The following ANKS1B variants were observed in gnomAD, a reference collection of about 807,000 sequenced individuals.
The protein encoded by ANKS1B is ankyrin repeat and sterile alpha motif domain-containing protein 1B.
A neutral mutation model predicts 148.3 loss-of-function variants in ANKS1B; 36 were observed. That is an observed-to-expected ratio of 0.24 (90% CI 0.19 to 0.32). The LOEUF is 0.32. ANKS1B is among the 10% of genes least tolerant of loss of function. The probability of loss-of-function intolerance (pLI) is 1.00; values close to 1 mark genes in which losing one functional copy is unlikely to be tolerated. For synonymous variants in ANKS1B, 542 were observed against 560.8 expected (o/e 0.97, Z 0.47); for missense variants, 1,157 against 1,542.6 (o/e 0.75, Z 4.19).
intron 11 of ANKS1B, among the ~76,000 whole-genome samples, chr12:99,434,042 G>A: frequency 6.6e-6 from 1 of 152,134 alleles, no homozygotes; most frequent in South Asian, 2.1e-4. Flanking sequence ...GATGTCCTTT[G>A]TGGTACTTTC....
chr12:99,277,719 C>A (rs1399742984), intron 12 of ANKS1B, among the ~76,000 whole-genome samples: 1 of 152,142 alleles, frequency 6.6e-6, no homozygotes, highest in Non-Finnish European at 1.5e-5. Context: ...TGCTTTTGAA[C>A]TGGTATGAGT....
At chr12:99,966,232 G>T (rs192646251) in intron 1 of ANKS1B, among the ~76,000 whole-genome samples, 1 of 152,250 alleles carries the variant, frequency 6.6e-6, no homozygotes, top group African/African-American at 2.4e-5. Flanking sequence ...TTTAGTGACT[G>T]TATTGTGGTT....
chr12:99,090,749 T>G (rs1358800653), intron 15 of ANKS1B, among the ~76,000 whole-genome samples: 1 of 152,160 alleles, frequency 6.6e-6, no homozygotes, highest in Non-Finnish European at 1.5e-5. Context: ...AATTTACAAG[T>G]AAACCCAATG....
At chr12:99,758,407 T>C (rs576837639) in intron 8 of ANKS1B, among the ~76,000 whole-genome samples, 109 of 151,958 alleles carry the variant, frequency 7.2e-4, no homozygotes, top group Non-Finnish European at 1.4e-3. Context: ...ACAAATAAAA[T>C]AGAAATGACA....
Position 99,504,530 on chromosome 12 carries a change from C to T in ANKS1B, c.1384G>A (p.Val462Ile), listed in dbSNP as rs756089777. 6.2e-7 allele frequency: 1 copy of T among 1,612,722 alleles called. No individual in the cohort carries two copies. The highest frequency in any genetic ancestry group is 8.5e-7 in the Non-Finnish European group (1 of 1,179,434). Reference sequence around the variant, plus strand: ...TCTAAGGAGCAAGGTTTCTTTGTAACAGCTGTGTCCATGAGATCACACAGA... The same window carrying T: ...TCTAAGGAGCAAGGTTTCTTTGTAATAGCTGTGTCCATGAGATCACACAGA... ...NFLCDLMDTA[V>I]TKKPCSLEIA... is the part of the protein sequence containing the mutation. The change falls in exon 10 of 27, where the codon GTT (valine) becomes ATT (isoleucine). Residue 462 changes from valine (V) to isoleucine (I), a missense_variant. By Grantham distance (29) the Val-to-Ile change is conservative. Transcript: ENST00000683438.
At chr12:99,274,684 A>G (rs1165664327) in intron 12 of ANKS1B, among the ~76,000 whole-genome samples, 1 of 152,198 alleles carries the variant, frequency 6.6e-6, no homozygotes, top group Admixed American at 6.5e-5. Context: ...CCTACACCAT[A>G]TGTTATAGGA....
chr12:99,500,770 G>A (rs1211247032), intron 10 of ANKS1B, among the ~76,000 whole-genome samples: 1 of 152,072 alleles, frequency 6.6e-6, no homozygotes, highest in Non-Finnish European at 1.5e-5. Context: ...CTACCTCTTC[G>A]AGCTCAAGGG....
Position 98,811,791 on chromosome 12 carries a change from T to C in ANKS1B, c.3067-3873A>G, listed in dbSNP as rs4762513. Among the ~76,000 whole-genome samples the C allele has an allele frequency of 8.3e-3, 1,257 of 152,246 alleles. 45 individuals are homozygous for C. The highest frequency in any genetic ancestry group is 0.067 in the Admixed American group (1,019 of 15,284). On this transcript the variant is annotated intron_variant, in intron 19 of 26. Transcript: ENST00000683438. Reference sequence around the variant, plus strand: ...ACTAGGTGTCTGGCTCCATGATTGATAGCTTTCTCTTTAGGGTGTGCAGTG... The same window carrying C: ...ACTAGGTGTCTGGCTCCATGATTGACAGCTTTCTCTTTAGGGTGTGCAGTG...
At chr12:99,549,634 C>T (rs907388956) in intron 9 of ANKS1B, among the ~76,000 whole-genome samples, 1 of 152,120 alleles carries the variant, frequency 6.6e-6, no homozygotes, top group South Asian at 2.1e-4. Flanking sequence ...CAGTGGTTTG[C>T]TTAGTAATAG....
chr12:98,815,466 G>A lies in ANKS1B; in HGVS notation c.3067-7548C>T, dbSNP rs149347832. 6.6e-5 allele frequency among the ~76,000 whole-genome samples: 10 copies of A among 152,264 alleles called. No individual in the cohort carries two copies. In the East Asian group the frequency reaches 1.9e-3, roughly 29 times the overall value. On this transcript the variant is annotated intron_variant, in intron 19 of 26. Transcript: ENST00000683438. ...CTTCCCTTCCTTCTTGGCTATACTA[G>A]GTGGTCTCTTCCAGTTGTGACTCCC...
intron 17 of ANKS1B, among the ~76,000 whole-genome samples, chr12:98,913,525 C>T (rs745629832): frequency 3.3e-5 from 5 of 152,184 alleles, no homozygotes; most frequent in East Asian, 1.9e-4. Flanking sequence ...TTAAACACTG[C>T]CCACATGTTG....
rs531675374 is a variant in ANKS1B, at chr12:99,185,642, C to T, written c.2420-31247G>A. On this transcript the variant is annotated intron_variant, in intron 14 of 26. Coordinates refer to ENST00000683438, the MANE Select transcript of ANKS1B (RefSeq NM_001352186.2). Reference sequence around the variant, plus strand: ...CACCTCACCTGGAAGTGCAAGGGGTCGGGGGACTCCCTCCCCTAGCCAAGG... The same window carrying T: ...CACCTCACCTGGAAGTGCAAGGGGTTGGGGGACTCCCTCCCCTAGCCAAGG... 3.9e-5 allele frequency among the ~76,000 whole-genome samples: 6 copies of T among 152,180 alleles called. No individual in the cohort carries two copies. In the East Asian group the frequency reaches 5.8e-4, roughly 15 times the overall value.
intron 1 of ANKS1B, among the ~76,000 whole-genome samples, chr12:99,833,233 G>T (rs1177523623): frequency 2.6e-5 from 4 of 152,162 alleles, no homozygotes; most frequent in Admixed American, 6.6e-5. Flanking sequence ...ATATTGAAAA[G>T]CTTGGATTTT....
At chr12:99,465,551 T>G (rs550247936) in intron 10 of ANKS1B, among the ~76,000 whole-genome samples, 1 of 149,634 alleles carries the variant, frequency 6.7e-6, no homozygotes, top group Non-Finnish European at 1.5e-5. Context: ...GAAACCCATC[T>G]CACGTGCAGA....
At chr12:99,708,904 G>A (rs1418691455) in intron 8 of ANKS1B, among the ~76,000 whole-genome samples, 1 of 152,042 alleles carries the variant, frequency 6.6e-6, no homozygotes, top group Non-Finnish European at 1.5e-5. Flanking sequence ...TGTTTTAATT[G>A]GAAGCTGTTC....
intron 15 of ANKS1B, among the ~76,000 whole-genome samples, chr12:99,112,714 A>G (rs957631471): frequency 6.6e-6 from 1 of 152,206 alleles, no homozygotes; most frequent in African/African-American, 2.4e-5. Flanking sequence ...AGGTAAGTAC[A>G]GCTGGCATTA....
At chr12:99,332,777 C>G (rs989168092) in intron 12 of ANKS1B, among the ~76,000 whole-genome samples, 3 of 151,068 alleles carry the variant, frequency 2.0e-5, no homozygotes, top group South Asian at 2.1e-4. Flanking sequence ...GAAGGGTGTA[C>G]AAGGGAGAGG....
chr12:99,342,427 T>A (rs1160990758), intron 12 of ANKS1B, among the ~76,000 whole-genome samples: 1 of 151,962 alleles, frequency 6.6e-6, no homozygotes, highest in Admixed American at 6.6e-5. Context: ...CAAGTGTGGC[T>A]AATCATAGAC....
intron 17 of ANKS1B, among the ~76,000 whole-genome samples, chr12:99,008,538 A>G (rs1023274535): frequency 3.3e-5 from 5 of 152,154 alleles, no homozygotes; most frequent in African/African-American, 1.2e-4. Flanking sequence ...AAAGACTTCT[A>G]CAACCCAGCC....
Sources: allele counts gnomAD v4.1 joint callset (sites outside exome capture counted in the v4.1 genomes callset), GRCh38; gene constraint gnomAD v4.1.1; transcripts MANE v1.5; gene names NCBI Gene and HGNC (gene_info 2026-07-23, HGNC 2026-07-21).